The following ERCC8 variants were observed in gnomAD, a reference collection of about 807,000 sequenced individuals.
The protein encoded by ERCC8 is DNA excision repair protein ERCC-8.
In ERCC8, 52 loss-of-function variants were observed where a neutral mutation model predicts 54.9. The observed-to-expected ratio is 0.95, with a 90% CI of 0.76 to 1.19. ERCC8 has a LOEUF of 1.19. ERCC8 is among the 50% of genes most tolerant of loss of function. The pLI is 0.00. For synonymous variants in ERCC8, 146 were observed against 157.2 expected (o/e 0.93, Z 0.53); for missense variants, 514 against 466.1 (o/e 1.10, Z -0.95).
chr5:60,903,674 G>C lies in ERCC8; in HGVS notation c.524C>G (p.Ser175Cys). The stretch of plus-strand genomic sequence containing the variant: ...CTGTAGAATGTGAGAACAGGATCCA[G>C]ACTTCAAGTCACAAAGTTGTACTTT... ...GPKVQLCDLK[S>C]GSCSHILQGH... The change falls in exon 6 of 12, where the codon TCT (serine) becomes TGT (cysteine). Residue 175 changes from serine (S) to cysteine (C), a missense_variant. By Grantham distance (112) the Ser-to-Cys change is moderately radical. Transcript: ENST00000676185. 1 of 1,612,724 alleles carries C rather than the reference G, an allele frequency of 6.2e-7. No homozygotes were observed. Among genetic ancestry groups the C allele is most frequent in the South Asian group, 1.1e-5 (1 of 91,024 alleles).
At chr5:60,943,214 T>C (rs1430612836) in intron 1 of ERCC8, among the ~76,000 whole-genome samples, 2 of 152,088 alleles carry the variant, frequency 1.3e-5, no homozygotes, top group Non-Finnish European at 2.9e-5. Flanking sequence ...GAGGCTGCAG[T>C]GAGCTGTAAC....
intron 4 of ERCC8, among the ~76,000 whole-genome samples, chr5:60,913,409 G>T (rs1749332882): frequency 6.6e-6 from 1 of 152,076 alleles, no homozygotes; most frequent in African/African-American, 2.4e-5. Context: ...TCTGATGGTA[G>T]TTTGTATTTC....
In ERCC8 at chr5:60,894,219, C is replaced by T. The variant is rs192477228; in HGVS notation, c.844-3133G>A. ...CACGATGGTCTCGATCTCCTGACCT[C>T]GTGATCTGCCTGCCTTGATCTCCCA... On this transcript the variant is annotated intron_variant, in intron 9 of 11. Coordinates refer to ENST00000676185, the MANE Select transcript of ERCC8 (RefSeq NM_000082.4). Among the ~76,000 whole-genome samples, 28 of 152,166 alleles carry T rather than the reference C, an allele frequency of 1.8e-4. No individual in the cohort carries two copies. The East Asian group carries it at 5.1e-3, about 27-fold the overall frequency.
Position 60,868,367 on chromosome 5 carries a change from C to T in ERCC8, c.*6248G>A, listed in dbSNP as rs1747795847. ...AACTCGGAGAGCGGTTATCAATCCA[C>T]TAGCACAAAGTTTACCAGTATCTTC... On this transcript the variant is annotated 3_prime_UTR_variant, in exon 12 of 12. Coordinates refer to ENST00000676185, the MANE Select transcript of ERCC8 (RefSeq NM_000082.4). Among the ~76,000 whole-genome samples the T allele has an allele frequency of 6.6e-6, 1 of 152,188 alleles. No individual in the cohort carries two copies.
intron 1 of ERCC8, among the ~76,000 whole-genome samples, chr5:60,930,190 G>A (rs1024888693): frequency 3.9e-5 from 6 of 152,194 alleles, no homozygotes; most frequent in Admixed American, 3.9e-4. Flanking sequence ...AGCACTCTGG[G>A]AGGCTGAGGT....
chr5:60,879,274 G>C (rs543363620), intron 11 of ERCC8, among the ~76,000 whole-genome samples: 30 of 152,308 alleles, frequency 2.0e-4, no homozygotes, highest in Non-Finnish European at 3.2e-4. Flanking sequence ...TTGCTGAGGA[G>C]AGCTTTACTT....
chr5:60,899,841 A>G, intron 7 of ERCC8, 114 bp from the exon 8 acceptor site: 4 of 761,296 alleles, frequency 5.3e-6, no homozygotes, highest in South Asian at 2.9e-5. Flanking sequence ...GTACATATGT[A>G]TTCATACATT....
intron 7 of ERCC8, among the ~76,000 whole-genome samples, chr5:60,900,493 A>C (rs1178815790): frequency 6.6e-6 from 1 of 152,038 alleles, no homozygotes; most frequent in African/African-American, 2.4e-5. Context: ...ATGCCATTTT[A>C]ATAAGAGAGA....
intron 1 of ERCC8, among the ~76,000 whole-genome samples, chr5:60,941,811 T>G (rs1451595181): frequency 6.6e-6 from 1 of 152,172 alleles, no homozygotes; most frequent in Non-Finnish European, 1.5e-5. Flanking sequence ...AGAAGGAAAT[T>G]TGAGGCATCA....
Position 60,891,189 on chromosome 5 carries a change from C to T in ERCC8, c.844-103G>A, listed in dbSNP as rs150461345. On this transcript the variant is annotated intron_variant, in intron 9 of 11. Transcript: ENST00000676185. ...AAAATATTATGCTATAAAAAGGGCT[C>T]TTTTAAATTTAAGGAAAATATTCAA... 2.7e-4 allele frequency: 212 copies of T among 780,000 alleles called. 1 individual carries two copies. The African/African-American group carries it at 3.3e-3, about 12-fold the overall frequency. The allele number at this position is 780,000 out of a possible 1,614,324, so 48.3% of individuals were successfully genotyped here. A position where few individuals can be genotyped will look rare whatever the true frequency, so the allele number is the denominator to read the frequency against.
intron 9 of ERCC8, chr5:60,892,083 C>T: frequency 1.9e-6 from 1 of 529,086 alleles, no homozygotes; most frequent in South Asian, 1.4e-5. Context: ...GGGGGTCCAT[C>T]TCCATGATCC....
chr5:60,887,629 A>C, intron 10 of ERCC8, 109 bp from the exon 11 acceptor site: 1 of 816,202 alleles, frequency 1.2e-6, no homozygotes, highest in East Asian at 2.6e-5. Flanking sequence ...GATTAATGCT[A>C]TTTCTACTCC....
chr5:60,900,085 T>C (rs1748832587), intron 7 of ERCC8, among the ~76,000 whole-genome samples: 1 of 152,028 alleles, frequency 6.6e-6, no homozygotes, highest in South Asian at 2.1e-4. Context: ...CTGCTTGTTA[T>C]CCAAATGCTG....
In ERCC8 at chr5:60,869,064, A is replaced by G. The variant is rs1275512527; in HGVS notation, c.*5551T>C. Reference sequence around the variant, plus strand: ...TTTTAGTTCGGGCTCAATAATTAGCACCTGAACATGGAAAACATTAAATTA... The same window carrying G: ...TTTTAGTTCGGGCTCAATAATTAGCGCCTGAACATGGAAAACATTAAATTA... On this transcript the variant is annotated 3_prime_UTR_variant, in exon 12 of 12. Coordinates refer to ENST00000676185, the MANE Select transcript of ERCC8 (RefSeq NM_000082.4). Among the ~76,000 whole-genome samples, 1 of 152,182 alleles carries G rather than the reference A, an allele frequency of 6.6e-6. No homozygotes were observed. Among genetic ancestry groups the G allele is most frequent in the Non-Finnish European group, 1.5e-5 (1 of 68,014 alleles).
At position 60,874,579 on chromosome 5, in the gene ERCC8, G is replaced by A. The variant is rs4647152; in HGVS notation, c.*36C>T. ...AAAAAAACACAGTCTCATTTAAAAA[G>A]TTTCAGCAGAGACAAAAAGGTACTA... On this transcript the variant is annotated 3_prime_UTR_variant, in exon 12 of 12. Coordinates refer to ENST00000676185, the MANE Select transcript of ERCC8 (RefSeq NM_000082.4). The A allele has an allele frequency of 2.9e-3, 4,650 of 1,591,654 alleles. 114 individuals are homozygous for A. The African/African-American group carries it at 0.053, about 18-fold the overall frequency.
chr5:60,940,627 C>T (rs1750229924), intron 1 of ERCC8, among the ~76,000 whole-genome samples: 1 of 152,078 alleles, frequency 6.6e-6, no homozygotes, highest in Non-Finnish European at 1.5e-5. Flanking sequence ...TAGATCTAAC[C>T]CTGAGTCGTA....
rs1747814159 is a variant in ERCC8, at chr5:60,869,226, TG to T, written c.*5388del. Among the ~76,000 whole-genome samples, 1 of 152,222 alleles carries T rather than the reference TG, an allele frequency of 6.6e-6. No individual in the cohort carries two copies. Among genetic ancestry groups the T allele is most frequent in the Admixed American group, 6.5e-5 (1 of 15,278 alleles). ...GTATTAGTATATTACTCAACAGTAATGAAATATTTCTGAATGAAAACTGTGT... is the reference window on the plus strand; with the variant it reads ...GTATTAGTATATTACTCAACAGTAATAAATATTTCTGAATGAAAACTGTGT... On this transcript the variant is annotated 3_prime_UTR_variant, in exon 12 of 12. Coordinates refer to ENST00000676185, the MANE Select transcript of ERCC8 (RefSeq NM_000082.4).
chr5:60,879,285 C>A (rs1177782039), intron 11 of ERCC8, among the ~76,000 whole-genome samples: 1 of 152,110 alleles, frequency 6.6e-6, no homozygotes, highest in African/African-American at 2.4e-5. Flanking sequence ...AGCTTTACTT[C>A]CAACTATGTG....
At chr5:60,886,283 T>A (rs891837979) in intron 11 of ERCC8, among the ~76,000 whole-genome samples, 3 of 152,186 alleles carry the variant, frequency 2.0e-5, no homozygotes, top group African/African-American at 7.2e-5. Flanking sequence ...CATCTTTGTT[T>A]ACCTACTGTG....
Sources: allele counts gnomAD v4.1 joint callset (sites outside exome capture counted in the v4.1 genomes callset), GRCh38; gene constraint gnomAD v4.1.1; transcripts MANE v1.5; gene names NCBI Gene and HGNC (gene_info 2026-07-23, HGNC 2026-07-21).